Variants in MPPED2 observed in about 807,000 individuals in gnomAD.
The protein encoded by MPPED2 is metallophosphoesterase MPPED2.
A neutral mutation model predicts 33.0 loss-of-function variants in MPPED2; 5 were observed. The observed-to-expected ratio is 0.15, with a 90% CI of 0.08 to 0.32. The LOEUF (loss-of-function observed/expected upper bound fraction) is 0.32. Among genes scored for constraint, MPPED2 ranks in the 10% least tolerant of loss-of-function variants. The pLI is 1.00. For missense variants in MPPED2, 275 were observed against 372.1 expected (o/e 0.74, Z 2.15); for synonymous variants, 136 against 141.9 (o/e 0.96, Z 0.29).
At chr11:30,583,449 GA>G (rs1957291342) in intron 1 of MPPED2, among the ~76,000 whole-genome samples, 1 of 152,046 alleles carries the variant, frequency 6.6e-6, no homozygotes, top group Non-Finnish European at 1.5e-5. Context: ...AACCCAGGAC[GA>G]AATATCAAGA....
chr11:30,575,793 G>A (rs964357931), intron 2 of MPPED2, among the ~76,000 whole-genome samples: 1 of 152,214 alleles, frequency 6.6e-6, no homozygotes, highest in Non-Finnish European at 1.5e-5. Context: ...TGCCACTCCC[G>A]TGGAGTAACT....
At chr11:30,478,533 T>C (rs1372812156) in intron 4 of MPPED2, among the ~76,000 whole-genome samples, 1 of 151,948 alleles carries the variant, frequency 6.6e-6, no homozygotes, top group African/African-American at 2.4e-5. Context: ...AAAAATAACA[T>C]GATGATAACA....
chr11:30,396,483 G>T (rs34471448), intron 6 of MPPED2, among the ~76,000 whole-genome samples: 1 of 152,088 alleles, frequency 6.6e-6, no homozygotes, highest in Non-Finnish European at 1.5e-5. Flanking sequence ...TTGTGTTGCA[G>T]AACTGGTCTG....
chr11:30,481,590 A>G (rs190802523), intron 4 of MPPED2, among the ~76,000 whole-genome samples: 25 of 152,272 alleles, frequency 1.6e-4, no homozygotes, highest in Non-Finnish European at 1.3e-4. Flanking sequence ...ACAAAGACAC[A>G]TGAGAGGAGG....
At chr11:30,564,856 C>T (rs1956376463) in intron 2 of MPPED2, among the ~76,000 whole-genome samples, 1 of 152,008 alleles carries the variant, frequency 6.6e-6, no homozygotes. Context: ...GCATTCATGC[C>T]CCCCAATCTG....
At chr11:30,431,730 TTTTG>T (rs1949086345) in intron 4 of MPPED2, among the ~76,000 whole-genome samples, 2 of 152,176 alleles carry the variant, frequency 1.3e-5, no homozygotes, top group African/African-American at 2.4e-5. Context: ...TTCTGTTTTG[TTTTG>T]TTTTTTTGTT....
upstream of MPPED2, chr11:30,586,617 G>A (rs1420619954): frequency 6.6e-6 from 1 of 152,258 alleles, no homozygotes; most frequent in Non-Finnish European, 1.5e-5. This position sits in a 1 kb window ranked among gnomAD's most constrained non-coding sequence, Gnocchi z 4.8. Context: ...CATCATGAGT[G>A]CGATCTGCGT....
intron 3 of MPPED2, among the ~76,000 whole-genome samples, chr11:30,532,987 G>A (rs1460464016): frequency 1.3e-5 from 2 of 152,156 alleles, no homozygotes; most frequent in African/African-American, 4.8e-5. Flanking sequence ...TTTCAAATAC[G>A]TGCAATATTA....
intron 4 of MPPED2, among the ~76,000 whole-genome samples, chr11:30,463,824 T>C (rs1319599010): frequency 6.6e-6 from 1 of 151,080 alleles, no homozygotes; most frequent in Non-Finnish European, 1.5e-5. Context: ...TCCTAACTGA[T>C]ATGGGATTAT....
intron 3 of MPPED2, among the ~76,000 whole-genome samples, chr11:30,535,331 C>G (rs1167556566): frequency 1.3e-5 from 2 of 152,074 alleles, no homozygotes; most frequent in Non-Finnish European, 2.9e-5. Flanking sequence ...CACTTCTTTC[C>G]CTCCGCTAAG....
intron 4 of MPPED2, among the ~76,000 whole-genome samples, chr11:30,432,679 A>G (rs547154081): frequency 3.7e-4 from 56 of 152,308 alleles, no homozygotes; most frequent in Non-Finnish European, 1.2e-4. Context: ...ACCCTATAAA[A>G]TACACAATTC....
At chr11:30,518,574 G>T (rs762789577) in intron 3 of MPPED2, among the ~76,000 whole-genome samples, 11 of 152,152 alleles carry the variant, frequency 7.2e-5, no homozygotes, top group Non-Finnish European at 1.5e-4. Context: ...TAAAGGGAAG[G>T]CTTCAGTTCT....
Position 30,427,628 on chromosome 11 carries a change from T to G in MPPED2, c.537-9995A>C, listed in dbSNP as rs894759414. 3.3e-4 allele frequency among the ~76,000 whole-genome samples: 35 copies of G among 105,110 alleles called. No homozygotes were observed. The East Asian group carries it at 3.5e-3, about 10-fold the overall frequency. The allele number at this position is 105,110 out of a possible 152,430, so 69.0% of individuals were successfully genotyped here. The stretch of plus-strand genomic sequence containing the variant: ...TAAGAATGAATGTTCATGAAGAGTT[T>G]GTAAGTTCATGAGAAAATTCCTTGA... On this transcript the variant is annotated intron_variant, in intron 4 of 6. Coordinates refer to ENST00000358117, the MANE Select transcript of MPPED2 (RefSeq NM_001584.3).
At chr11:30,525,816 T>C (rs1219683928) in intron 3 of MPPED2, among the ~76,000 whole-genome samples, 1 of 152,222 alleles carries the variant, frequency 6.6e-6, no homozygotes, top group African/African-American at 2.4e-5. Context: ...AGATGTCATA[T>C]AAATTAAAGG....
At chr11:30,575,138 C>T (rs1956871777) in intron 2 of MPPED2, among the ~76,000 whole-genome samples, 2 of 152,120 alleles carry the variant, frequency 1.3e-5, no homozygotes, top group South Asian at 2.1e-4. Context: ...ATGAAATAAT[C>T]ACCCAGATAC....
At chr11:30,384,895 T>C (rs1947686220) in exon 7 of MPPED2, 1 of 152,230 alleles carries the variant, frequency 6.6e-6, no homozygotes, top group South Asian at 2.1e-4. Context: ...TCACCTTTCT[T>C]GATTGCTAAT....
At chr11:30,507,894 T>C (rs369284872) in intron 3 of MPPED2, among the ~76,000 whole-genome samples, 9 of 152,168 alleles carry the variant, frequency 5.9e-5, no homozygotes, top group East Asian at 3.8e-4. Context: ...AAGAAAGGAT[T>C]TCTGGAAATT....
chr11:30,471,711 C>T (rs533174934), intron 4 of MPPED2, among the ~76,000 whole-genome samples: 1 of 152,162 alleles, frequency 6.6e-6, no homozygotes, highest in African/African-American at 2.4e-5. Flanking sequence ...ATTCCCAGCA[C>T]CTAGGACTGT....
chr11:30,561,702 C>T (rs1449612327), intron 2 of MPPED2, among the ~76,000 whole-genome samples: 1 of 152,150 alleles, frequency 6.6e-6, no homozygotes, highest in Non-Finnish European at 1.5e-5. Context: ...TACCTTACAC[C>T]TGCCACCCCA....
Sources: gnomAD v4.1 joint callset for allele counts (sites outside exome capture counted in the v4.1 genomes callset) on GRCh38, gnomAD v4.1.1 for gene constraint, Gnocchi (gnomAD v3.1) non-coding constraint, MANE v1.5 for transcripts, NCBI Gene and HGNC (gene_info 2026-07-23, HGNC 2026-07-21) for gene names.